ASTN1: variants seen among roughly 807,000 people sequenced by gnomAD.
ASTN1 encodes the protein astrotactin 1, also known as astrotactin-1.
In ASTN1, 41 loss-of-function variants were observed where a neutral mutation model predicts 140.7. The ratio of observed to expected loss-of-function variants is 0.29; its 90% CI spans 0.23 to 0.38. The LOEUF is 0.38. Among genes scored for constraint, ASTN1 ranks in the 10% least tolerant of loss-of-function variants. ASTN1 has a pLI of 1.00. For missense variants in ASTN1, 1,479 were observed against 1,678.8 expected, an observed-to-expected ratio of 0.88 and a Z score of 2.08; for synonymous variants, 640 against 652.2, an observed-to-expected ratio of 0.98 and a Z score of 0.29.
chr1:177,134,661 T>C (rs1682101230), intron 1 of ASTN1, among the ~76,000 whole-genome samples: 1 of 152,214 alleles, frequency 6.6e-6, no homozygotes, highest in East Asian at 1.9e-4. Context: ...TGAAAAACAA[T>C]GCATCTTTAT....
At chr1:177,144,494 C>T (rs1244255481) in intron 1 of ASTN1, among the ~76,000 whole-genome samples, 4 of 150,124 alleles carry the variant, frequency 2.7e-5, no homozygotes, top group African/African-American at 9.8e-5. Context: ...CCTCGTGATC[C>T]GCCCGCCTCG....
chr1:176,879,478 C>T (rs1421620059), intron 20 of ASTN1, among the ~76,000 whole-genome samples: 1 of 152,148 alleles, frequency 6.6e-6, no homozygotes, highest in Admixed American at 6.5e-5. Flanking sequence ...AACCCTGGAC[C>T]CTTAATTTCT....
intron 1 of ASTN1, among the ~76,000 whole-genome samples, chr1:177,156,550 T>C (rs1683248454): frequency 6.6e-6 from 1 of 152,018 alleles, no homozygotes; most frequent in South Asian, 2.1e-4. Context: ...ATAAAATAAA[T>C]ATTCATGAGT....
At chr1:176,992,166 T>G (rs1180391321) in intron 8 of ASTN1, among the ~76,000 whole-genome samples, 1 of 152,166 alleles carries the variant, frequency 6.6e-6, no homozygotes, top group Non-Finnish European at 1.5e-5. Context: ...AGTCCCTCAA[T>G]GCAGAGTTGG....
chr1:177,075,879 T>G (rs534506360), intron 1 of ASTN1, among the ~76,000 whole-genome samples: 1 of 152,084 alleles, frequency 6.6e-6, no homozygotes, highest in South Asian at 2.1e-4. Context: ...TGGCCTCAAG[T>G]GATCCTCCTG....
chr1:177,109,389 T>G (rs1036325215), intron 1 of ASTN1, among the ~76,000 whole-genome samples: 1 of 151,828 alleles, frequency 6.6e-6, no homozygotes, highest in Non-Finnish European at 1.5e-5. Flanking sequence ...TGATGAAACT[T>G]CAAAAGTGTT....
intron 16 of ASTN1, among the ~76,000 whole-genome samples, chr1:176,905,763 A>T (rs2103052993): frequency 6.6e-6 from 1 of 151,890 alleles, no homozygotes; most frequent in South Asian, 2.1e-4. Context: ...CCTCTCGGTG[A>T]CCTGTGCCCT....
chr1:176,934,203 T>C lies in ASTN1; in HGVS notation c.2620A>G (p.Asn874Asp), dbSNP rs200041558. The C allele has an allele frequency of 5.6e-6, 9 of 1,613,768 alleles. No individual in the cohort carries two copies. The East Asian group carries it at 1.8e-4, about 32-fold the overall frequency. The change falls in exon 16 of 23, where the codon AAC (asparagine) becomes GAC (aspartate). Residue 874 changes from asparagine to aspartate, a missense_variant. Transcript: ENST00000361833. The part of the protein sequence containing the change: ...FEESCSIWYP[N>D]KQVQRRLWLE... ...CAGAGTCGCCGCTGGACCTGCTTGT[T>C]TGGGTACCAGATAGAACAGGACTCC...
Position 176,924,371 on chromosome 1 carries a change from A to C in ASTN1, c.2671+9781T>G, listed in dbSNP as rs145051092. On this transcript the variant is annotated intron_variant, in intron 16 of 22. Coordinates refer to ENST00000361833, the MANE Select transcript of ASTN1 (RefSeq NM_004319.3). Reference sequence around the variant, plus strand: ...CTGCATGATCAGCTCCTTATCTTTCAAGTCTCAGCTCAAAATCACCGTCAC... The same window carrying C: ...CTGCATGATCAGCTCCTTATCTTTCCAGTCTCAGCTCAAAATCACCGTCAC... Among the ~76,000 whole-genome samples, 38 of 152,248 alleles carry C rather than the reference A, an allele frequency of 2.5e-4. 1 individual carries two copies. The highest frequency in any genetic ancestry group is 8.7e-4 in the African/African-American group (36 of 41,544).
chr1:176,946,665 AC>A (rs375091858), intron 12 of ASTN1, among the ~76,000 whole-genome samples: 1 of 152,352 alleles, frequency 6.6e-6, no homozygotes, highest in African/African-American at 2.4e-5. Flanking sequence ...GTATCCAAAC[AC>A]AATATCAACC....
intron 16 of ASTN1, among the ~76,000 whole-genome samples, chr1:176,909,887 T>A (rs111255522): frequency 0.014 from 2,131 of 152,286 alleles, 47 homozygotes; most frequent in African/African-American, 0.049. Context: ...TCAGCTACAT[T>A]ATGTCATGAA....
At chr1:177,149,020 G>GGA (rs970127779) in intron 1 of ASTN1, among the ~76,000 whole-genome samples, 9 of 127,820 alleles carry the variant, frequency 7.0e-5, no homozygotes, top group African/African-American at 1.2e-4. Context: ...AAGAGAGGAA[G>GGA]GAGATATATA....
At chr1:177,101,405 T>A (rs941226245) in intron 1 of ASTN1, among the ~76,000 whole-genome samples, 7 of 152,204 alleles carry the variant, frequency 4.6e-5, no homozygotes, top group Non-Finnish European at 8.8e-5. Flanking sequence ...CTCAATAACA[T>A]GAACAAAATT....
intron 1 of ASTN1, among the ~76,000 whole-genome samples, chr1:177,071,113 G>A (rs777527285): frequency 2.6e-5 from 4 of 152,144 alleles, no homozygotes; most frequent in African/African-American, 4.8e-5. Flanking sequence ...AGGGCAAGTC[G>A]TATTTGTACA....
At chr1:176,964,156 T>C (rs537369744) in intron 9 of ASTN1, among the ~76,000 whole-genome samples, 3 of 152,162 alleles carry the variant, frequency 2.0e-5, no homozygotes, top group Non-Finnish European at 4.4e-5. Context: ...AAGCCAGGAA[T>C]GGCTGACAGG....
At chr1:177,053,516 T>C (rs1677642534) in intron 2 of ASTN1, among the ~76,000 whole-genome samples, 1 of 152,230 alleles carries the variant, frequency 6.6e-6, no homozygotes, top group East Asian at 1.9e-4. Context: ...AAATGCTCCC[T>C]GAAAGCAGAA....
At chr1:177,049,808 C>A (rs1051806470) in intron 2 of ASTN1, among the ~76,000 whole-genome samples, 1 of 152,124 alleles carries the variant, frequency 6.6e-6, no homozygotes, top group Non-Finnish European at 1.5e-5. Flanking sequence ...CTTATCCGAA[C>A]CCAAGGTGGA....
At chr1:176,988,386 A>T (rs576071560) in intron 8 of ASTN1, among the ~76,000 whole-genome samples, 1 of 151,622 alleles carries the variant, frequency 6.6e-6, no homozygotes, top group African/African-American at 2.4e-5. Flanking sequence ...CAGTTTTATT[A>T]TGAGAAAAGC....
At chr1:176,935,944 A>G (rs1671424565) in intron 15 of ASTN1, 39 of 389,190 alleles carry the variant, frequency 1.0e-4, no homozygotes, top group South Asian at 8.5e-4. Context: ...TAATTCTCTC[A>G]ATTTGTAAAA....
Sources: gnomAD v4.1 joint callset for allele counts (sites outside exome capture counted in the v4.1 genomes callset) on GRCh38, gnomAD v4.1.1 for gene constraint, MANE v1.5 for transcripts, NCBI Gene and HGNC (gene_info 2026-07-23, HGNC 2026-07-21) for gene names.